Variants in ITPRID1 observed in about 807,000 individuals in gnomAD.
ITPRID1 encodes the protein ITPR interacting domain containing 1, also known as protein ITPRID1.
A neutral mutation model predicts 95.4 loss-of-function variants in ITPRID1; 96 were observed. The observed-to-expected ratio is 1.01, with a 90% CI of 0.85 to 1.19. ITPRID1 has a LOEUF of 1.19. Ranked by LOEUF, ITPRID1 falls within the 50% of genes most tolerant of loss-of-function variation. The pLI, the probability that ITPRID1 is intolerant of heterozygous loss-of-function variation, is 0.00. For missense variants in ITPRID1, 1,339 were observed against 1,252.9 expected (o/e 1.07, Z -1.04); for synonymous variants, 510 against 453.6 (o/e 1.12, Z -1.58).
intron 5 of ITPRID1, among the ~76,000 whole-genome samples, chr7:31,561,149 C>T (rs11772309): frequency 0.81 from 123,435 of 152,114 alleles, 51,517 homozygotes; most frequent in Non-Finnish European, 0.92. Context: ...GAAGATTGTA[C>T]AGTTTTCAAG....
At chr7:31,648,935 A>G (rs1361832546) in intron 12 of ITPRID1, among the ~76,000 whole-genome samples, 1 of 152,234 alleles carries the variant, frequency 6.6e-6, no homozygotes, top group Non-Finnish European at 1.5e-5. Context: ...CTATGTCAGA[A>G]CACGTATCTA....
At chr7:31,596,722 C>T (rs902646847) in intron 10 of ITPRID1, among the ~76,000 whole-genome samples, 17 of 151,194 alleles carry the variant, frequency 1.1e-4, no homozygotes, top group Non-Finnish European at 2.2e-4. Flanking sequence ...TGTAAAAACA[C>T]CCTCAAAATA....
chr7:31,570,777 C>T (rs866971456), intron 6 of ITPRID1, among the ~76,000 whole-genome samples: 1 of 152,074 alleles, frequency 6.6e-6, no homozygotes, highest in African/African-American at 2.4e-5. Context: ...CAAGGGCAGG[C>T]TGCTTCTGGG....
At chr7:31,615,192 A>C (rs1056445080) in intron 10 of ITPRID1, among the ~76,000 whole-genome samples, 2 of 152,136 alleles carry the variant, frequency 1.3e-5, no homozygotes, top group Non-Finnish European at 1.5e-5. Flanking sequence ...ATATTTTCCC[A>C]TTTAGTCTTT....
intron 5 of ITPRID1, among the ~76,000 whole-genome samples, chr7:31,562,044 TAAA>T (rs33912394): frequency 0.016 from 860 of 52,516 alleles, 8 homozygotes; most frequent in African/African-American, 0.051. Flanking sequence ...GCTATGTATT[TAAA>T]AAAAAAAAAA....
At chr7:31,616,979 A>C (rs1020412667) in intron 10 of ITPRID1, among the ~76,000 whole-genome samples, 9 of 152,134 alleles carry the variant, frequency 5.9e-5, no homozygotes, top group Non-Finnish European at 1.2e-4. Context: ...TCTTCTGCAA[A>C]TTGCCTGTTG....
chr7:31,534,586 T>G (rs1783701175), intron 1 of ITPRID1, among the ~76,000 whole-genome samples: 1 of 152,196 alleles, frequency 6.6e-6, no homozygotes, highest in Non-Finnish European at 1.5e-5. Flanking sequence ...AGCTTTCTCA[T>G]GCTTGGTGTT....
chr7:31,554,972 ATCT>A (rs1288798621), intron 5 of ITPRID1, 71 bp downstream of exon 5: 4 of 1,139,358 alleles, frequency 3.5e-6, no homozygotes, highest in East Asian at 5.1e-5. Context: ...ACGTGAATAA[ATCT>A]TCTTAAAATG....
chr7:31,601,650 G>T (rs1300654849), intron 10 of ITPRID1, among the ~76,000 whole-genome samples: 1 of 152,170 alleles, frequency 6.6e-6, no homozygotes, highest in East Asian at 1.9e-4. Context: ...TTTCATACCT[G>T]GTTTATTACC....
intron 8 of ITPRID1, 105 bp from the exon 9 acceptor site, chr7:31,577,758 A>T (rs1241890390): frequency 1.1e-6 from 1 of 910,580 alleles, no homozygotes; most frequent in African/African-American, 1.7e-5. Flanking sequence ...TGTCCTTCCT[A>T]TCTTGAAAAT....
At chr7:31,646,199 G>C (rs1790451646) in intron 12 of ITPRID1, among the ~76,000 whole-genome samples, 1 of 152,116 alleles carries the variant, frequency 6.6e-6, no homozygotes, top group African/African-American at 2.4e-5. Context: ...CAGGAGAAAT[G>C]GTTTTTCTAG....
At chr7:31,639,621 C>A (rs1789836470) in intron 10 of ITPRID1, among the ~76,000 whole-genome samples, 1 of 149,786 alleles carries the variant, frequency 6.7e-6, no homozygotes, top group Non-Finnish European at 1.5e-5. Flanking sequence ...ACTGAAAGCT[C>A]TGCCTCCCGG....
chr7:31,630,331 C>T (rs1239177885), intron 10 of ITPRID1, among the ~76,000 whole-genome samples: 1 of 149,048 alleles, frequency 6.7e-6, no homozygotes, highest in African/African-American at 2.5e-5. Context: ...AAGTGTTTTA[C>T]ATTATCTCCT....
At chr7:31,605,483 A>G (rs531769778) in intron 10 of ITPRID1, among the ~76,000 whole-genome samples, 2 of 152,312 alleles carry the variant, frequency 1.3e-5, no homozygotes, top group South Asian at 2.1e-4. Context: ...TTAAAGATCA[A>G]TGGTTTGGGA....
chr7:31,593,794 C>A (rs980893652), intron 10 of ITPRID1, among the ~76,000 whole-genome samples: 9 of 152,128 alleles, frequency 5.9e-5, no homozygotes. Context: ...CTAGAGACAG[C>A]CTAAATGCCC....
chr7:31,556,432 T>A (rs2098133), intron 5 of ITPRID1, among the ~76,000 whole-genome samples: 88,410 of 151,974 alleles, frequency 0.58, 26,813 homozygotes, highest in Middle Eastern at 0.71. Flanking sequence ...AGATGAGGAA[T>A]CTGGGGCACA....
chr7:31,587,832 G>A (rs868250596), intron 10 of ITPRID1, among the ~76,000 whole-genome samples: 37 of 150,560 alleles, frequency 2.5e-4, no homozygotes, highest in African/African-American at 8.1e-4. Flanking sequence ...CAGAAATAAC[G>A]CCGCATATCT....
At chr7:31,620,305 C>T (rs890119343) in intron 10 of ITPRID1, among the ~76,000 whole-genome samples, 9 of 152,098 alleles carry the variant, frequency 5.9e-5, no homozygotes, top group Non-Finnish European at 1.2e-4. Flanking sequence ...AGACTGCCTC[C>T]TCAAGTGGGT....
chr7:31,623,972 C>A (rs1583625389), intron 10 of ITPRID1, among the ~76,000 whole-genome samples: 1 of 148,998 alleles, frequency 6.7e-6, no homozygotes, highest in South Asian at 2.2e-4. Context: ...TCTTATACAC[C>A]AATAACAGAC....
Sources: allele counts gnomAD v4.1 joint callset (sites outside exome capture counted in the v4.1 genomes callset), GRCh38; gene constraint gnomAD v4.1.1; transcripts MANE v1.5; gene names NCBI Gene and HGNC (gene_info 2026-07-23, HGNC 2026-07-21).